SFXN5: variants seen among roughly 807,000 people sequenced by gnomAD.
SFXN5 encodes the protein sideroflexin 5.
SFXN5 carries 43 observed loss-of-function variants against 50.2 expected under a neutral mutation model. The ratio of observed to expected loss-of-function variants is 0.86; its 90% CI spans 0.67 to 1.11. The LOEUF is 1.11. Among genes scored for constraint, SFXN5 ranks in the 50% least tolerant of loss-of-function variants. The pLI is 0.00. For synonymous variants in SFXN5, 203 were observed against 185.8 expected, an observed-to-expected ratio of 1.09 and a Z score of -0.75; for missense variants, 463 against 454.1, an observed-to-expected ratio of 1.02 and a Z score of -0.18.
Position 72,942,930 on chromosome 2 carries a change from G to A in SFXN5, c.*2092C>T, listed in dbSNP as rs1485328858. 4 of 152,362 alleles carry A rather than the reference G, an allele frequency of 2.6e-5. No individual in the cohort carries two copies. The highest frequency in any genetic ancestry group is 1.9e-4 in the East Asian group (1 of 5,194). 9.4% of individuals were successfully genotyped at this position (152,362 alleles called of 1,614,324 possible). On this transcript the variant is annotated 3_prime_UTR_variant, in exon 14 of 14. Coordinates refer to ENST00000272433, the MANE Select transcript of SFXN5 (RefSeq NM_144579.3). Reference sequence around the variant, plus strand: ...TAAGACCTTATGATAGGTAGGAGCAGGGTGAGCTTGAAGTGAGCTTTTCAA... The same window carrying A: ...TAAGACCTTATGATAGGTAGGAGCAAGGTGAGCTTGAAGTGAGCTTTTCAA...
In SFXN5 at chr2:72,985,960, T is replaced by C. The variant is rs563677537; in HGVS notation, c.625+2298A>G. On this transcript the variant is annotated intron_variant, in intron 10 of 13. Transcript: ENST00000272433. The stretch of plus-strand genomic sequence containing the variant: ...CTGGAATGGGCCCCCGGCAAAGTTC[T>C]TATCTAAAGCTTGGCTAGGGACAGA... Among the ~76,000 whole-genome samples, 124 of 152,298 alleles carry C rather than the reference T, an allele frequency of 8.1e-4. 3 individuals carry two copies. In the South Asian group the frequency reaches 0.025, roughly 30 times the overall value.
intron 12 of SFXN5, among the ~76,000 whole-genome samples, chr2:72,963,067 A>G (rs1559092519): frequency 6.6e-6 from 1 of 152,126 alleles, no homozygotes; most frequent in African/African-American, 2.4e-5. Context: ...CTCAAGCAAG[A>G]TGAGGAGCGG....
chr2:72,985,565 G>A (rs916086985), intron 10 of SFXN5, among the ~76,000 whole-genome samples: 7 of 151,742 alleles, frequency 4.6e-5, no homozygotes, highest in Admixed American at 2.6e-4. Flanking sequence ...GAAGCCTGTG[G>A]GGGGGTGGGA....
rs547013930 is a variant in SFXN5 at position 72,984,614 on chromosome 2, G to A, written c.625+3644C>T. Among the ~76,000 whole-genome samples the A allele has an allele frequency of 7.2e-5, 11 of 152,268 alleles. No individual in the cohort carries two copies. In the South Asian group the frequency reaches 1.2e-3, roughly 17 times the overall value. On this transcript the variant is annotated intron_variant, in intron 10 of 13. Transcript: ENST00000272433. ...GAGGGTGATGGCTTGCTCTGCCTTC[G>A]GACCCTCCCAGCACAGAATGAGGAG...
At chr2:72,970,630 A>G (rs1298359078) in intron 11 of SFXN5, among the ~76,000 whole-genome samples, 1 of 151,904 alleles carries the variant, frequency 6.6e-6, no homozygotes, top group Non-Finnish European at 1.5e-5. Flanking sequence ...ACGAGCCACT[A>G]ACCACCATCA....
intron 13 of SFXN5, among the ~76,000 whole-genome samples, chr2:72,946,741 C>T (rs933720884): frequency 1.3e-5 from 2 of 152,170 alleles, no homozygotes; most frequent in African/African-American, 4.8e-5. Context: ...TCTCCCCGTC[C>T]CTCCCCACAA....
At chr2:73,019,553 CGAGTAGCTGGGACTACAGGTG>C (rs1293942794) in intron 6 of SFXN5, 1 of 151,830 alleles carries the variant, frequency 6.6e-6, no homozygotes, top group Admixed American at 6.6e-5. Flanking sequence ...CTCAGCCTTC[CGAGTAGCTGGGACTACAGGTG>C]CCCGCCACCA....
In SFXN5 at chr2:72,961,349, CGTGG is replaced by C; in HGVS notation, c.828-105_828-102del. On this transcript the variant is annotated intron_variant, in intron 12 of 13. Transcript: ENST00000272433. The surrounding 1 kb of genome is among the most constrained non-coding windows in gnomAD (Gnocchi z 4.4). ...CCACTCTGTCTCTGGGCCCAGGAAG[CGTGG>C]TTCCGGGGCAGTGCCAGTGTGCAGC... The C allele has an allele frequency of 3.9e-6, 3 of 760,882 alleles. No homozygotes were observed. Among genetic ancestry groups the C allele is most frequent in the Non-Finnish European group, 6.0e-6 (3 of 498,540 alleles). 47.1% of individuals were successfully genotyped at this position (760,882 alleles called of 1,614,324 possible).
At chr2:73,046,352 T>C (rs1324520145) in intron 2 of SFXN5, among the ~76,000 whole-genome samples, 8 of 146,016 alleles carry the variant, frequency 5.5e-5, no homozygotes, top group African/African-American at 7.7e-5. Context: ...AAGGCCACAG[T>C]GAACCGAGAT....
intron 2 of SFXN5, among the ~76,000 whole-genome samples, chr2:73,056,411 C>T (rs552164767): frequency 4.6e-5 from 7 of 151,278 alleles, no homozygotes; most frequent in Admixed American, 2.0e-4. Context: ...CAAGGCCAGG[C>T]GCAGTGGCTT....
chr2:72,978,692 C>T (rs1268773923), intron 10 of SFXN5, among the ~76,000 whole-genome samples: 1 of 152,140 alleles, frequency 6.6e-6, no homozygotes, highest in African/African-American at 2.4e-5. Context: ...GCCCACCTGG[C>T]AATATTTAAT....
intron 13 of SFXN5, among the ~76,000 whole-genome samples, chr2:72,948,804 C>T (rs1233480089): frequency 6.6e-6 from 1 of 152,196 alleles, no homozygotes; most frequent in East Asian, 1.9e-4. Context: ...ACAGAGCTGA[C>T]ATCCTAGGCT....
chr2:73,060,002 A>G (rs753765344), intron 1 of SFXN5: 76 of 438,526 alleles, frequency 1.7e-4, no homozygotes, highest in Non-Finnish European at 2.1e-4. Flanking sequence ...CATTTATGAC[A>G]TGGAATAATG....
chr2:72,946,527 G>T (rs1671948007), intron 13 of SFXN5, among the ~76,000 whole-genome samples: 1 of 152,126 alleles, frequency 6.6e-6, no homozygotes, highest in African/African-American at 2.4e-5. Flanking sequence ...GATTTCTGCA[G>T]CCTTGTTTCT....
intron 1 of SFXN5, 89 bp downstream of exon 1, chr2:73,071,515 G>T: frequency 1.6e-6 from 2 of 1,246,324 alleles, no homozygotes; most frequent in South Asian, 1.4e-5. Flanking sequence ...GCGGGTGGGA[G>T]ACCCTTGGGC....
intron 10 of SFXN5, among the ~76,000 whole-genome samples, chr2:72,981,965 TTGTGTGTGTGTG>T (rs10582006): frequency 6.9e-5 from 10 of 145,610 alleles, no homozygotes; most frequent in African/African-American, 1.8e-4. Context: ...CACTGGAACT[TTGTGTGTGTGTG>T]TGTGTGTGTG....
At chr2:72,988,784 T>C (rs1032655028) in intron 9 of SFXN5, among the ~76,000 whole-genome samples, 2 of 151,810 alleles carry the variant, frequency 1.3e-5, no homozygotes, top group Non-Finnish European at 2.9e-5. Context: ...AACCCCATGG[T>C]ACATGCAGGT....
chr2:73,005,650 T>A (rs1674532689), intron 6 of SFXN5, among the ~76,000 whole-genome samples: 1 of 152,120 alleles, frequency 6.6e-6, no homozygotes, highest in Admixed American at 6.6e-5. Context: ...TTCTCTGAGC[T>A]CCATAGTCAG....
intron 10 of SFXN5, among the ~76,000 whole-genome samples, chr2:72,987,570 AC>A (rs1398075208): frequency 1.3e-5 from 2 of 151,300 alleles, no homozygotes; most frequent in Non-Finnish European, 2.9e-5. Context: ...AGCCTGGCCA[AC>A]ATGGTGAAAC....
Sources: gnomAD v4.1 joint callset for allele counts (sites outside exome capture counted in the v4.1 genomes callset) on GRCh38, gnomAD v4.1.1 for gene constraint, Gnocchi (gnomAD v3.1) non-coding constraint, MANE v1.5 for transcripts, NCBI Gene and HGNC (gene_info 2026-07-23, HGNC 2026-07-21) for gene names.